Variants in PCM1 observed in about 807,000 individuals in gnomAD.
PCM1 encodes the protein pericentriolar material 1 protein.
A neutral mutation model predicts 241.9 loss-of-function variants in PCM1; 157 were observed. The ratio of observed to expected loss-of-function variants is 0.65; its 90% confidence interval spans 0.57 to 0.74. The LOEUF (loss-of-function observed/expected upper bound fraction) is 0.74. Ranked by LOEUF, PCM1 falls within the 30% of genes least tolerant of loss-of-function variation. PCM1 has a pLI of 0.00. For synonymous variants in PCM1, 1,085 were observed against 784.9 expected (o/e 1.38, Z -6.39); for missense variants, 3,478 against 2,360.1 (o/e 1.47, Z -9.81).
chr8:17,984,122 GC>G (rs1334759072), intron 24 of PCM1, among the ~76,000 whole-genome samples: 4 of 151,948 alleles, frequency 2.6e-5, no homozygotes, highest in Admixed American at 6.6e-5. Context: ...TGTTTAAATG[GC>G]ATATTCATTA....
In PCM1 at chr8:18,003,797, T is replaced by C. The variant is rs190808422; in HGVS notation, c.4828-2466T>C. Reference sequence around the variant, plus strand: ...TACCTTCCATAAAAGAATATACTTATAAATTTTAAGAATATAGATTTTTTA... The same window carrying C: ...TACCTTCCATAAAAGAATATACTTACAAATTTTAAGAATATAGATTTTTTA... On this transcript the variant is annotated intron_variant, in intron 29 of 38. Coordinates refer to ENST00000325083, the MANE Select transcript of PCM1 (RefSeq NM_006197.4). 3.8e-4 allele frequency among the ~76,000 whole-genome samples: 58 copies of C among 152,242 alleles called. 1 individual carries two copies. The East Asian group carries it at 9.6e-3, about 25-fold the overall frequency.
chr8:17,957,917 A>G (rs907981934), intron 13 of PCM1, 142 bp downstream of exon 13: 2 of 621,786 alleles, frequency 3.2e-6, no homozygotes, highest in East Asian at 2.8e-5. Flanking sequence ...TTAGCACTTT[A>G]CATGCTGTAT....
At chr8:17,993,918 T>C (rs1378063001) in intron 29 of PCM1, among the ~76,000 whole-genome samples, 5 of 152,156 alleles carry the variant, frequency 3.3e-5, no homozygotes. Context: ...TGTGAGTGTA[T>C]AGTAGGTGTG....
intron 2 of PCM1, among the ~76,000 whole-genome samples, chr8:17,928,221 G>T (rs1252091494): frequency 2.6e-5 from 4 of 152,060 alleles, no homozygotes; most frequent in Non-Finnish European, 5.9e-5. Flanking sequence ...TATATTGAGG[G>T]ATATGAGCAC....
chr8:17,953,173 TAAC>T lies in PCM1; in HGVS notation c.1278_1280del (p.Asn427del). 2 of 1,556,708 alleles carry T rather than the reference TAAC, an allele frequency of 1.3e-6. No homozygotes were observed. The highest frequency in any genetic ancestry group is 1.4e-5 in the African/African-American group (1 of 73,904). ...TTCATACACTTCGAGATCAGCATCT[TAAC>T]AATTCATCATGTGAGTAAATCTGGT... On this transcript the variant is annotated inframe_deletion, in exon 9 of 39. Transcript: ENST00000325083.
At position 18,029,492 on chromosome 8, in the gene PCM1, C is replaced by T. The variant is rs2094409360; in HGVS notation, c.*1830C>T. 1 of 215,404 alleles carries T rather than the reference C, an allele frequency of 4.6e-6. No individual in the cohort carries two copies. The highest frequency in any genetic ancestry group is 6.9e-5 in the East Asian group (1 of 14,536). The allele number at this position is 215,404 out of a possible 1,614,324, so 13.3% of individuals were successfully genotyped here. A position where few individuals can be genotyped will look rare whatever the true frequency, so the allele number is the denominator to read the frequency against. ...AAGCCCAGCCTTACATACTGTGTTTCTCTCTCTGTCTGCATGCATATTAAA... is the reference window on the plus strand; with the variant it reads ...AAGCCCAGCCTTACATACTGTGTTTTTCTCTCTGTCTGCATGCATATTAAA... On this transcript the variant is annotated 3_prime_UTR_variant, in exon 39 of 39. Transcript: ENST00000325083.
intron 17 of PCM1, among the ~76,000 whole-genome samples, 185 bp downstream of exon 17, chr8:17,963,476 C>T (rs116237203): frequency 1.2e-3 from 176 of 152,280 alleles, no homozygotes; most frequent in African/African-American, 4.1e-3. Flanking sequence ...TCTGACTTCT[C>T]GTAGCATCAG....
intron 9 of PCM1, among the ~76,000 whole-genome samples, chr8:17,954,718 A>C (rs1256706231): frequency 6.6e-6 from 1 of 152,152 alleles, no homozygotes; most frequent in East Asian, 1.9e-4. Context: ...GCACCTTTGA[A>C]ATGGTAGGAG....
At chr8:17,939,358 A>AC (rs2061364234) in intron 5 of PCM1, among the ~76,000 whole-genome samples, 1 of 151,726 alleles carries the variant, frequency 6.6e-6, no homozygotes, top group African/African-American at 2.4e-5. Flanking sequence ...TAAAACTATA[A>AC]TACATTTAAT....
intron 23 of PCM1, among the ~76,000 whole-genome samples, chr8:17,974,544 T>C (rs928727884): frequency 1.3e-5 from 2 of 152,172 alleles, no homozygotes; most frequent in Non-Finnish European, 2.9e-5. Context: ...GACTCTCTTG[T>C]GTTGCCAGTA....
At chr8:18,010,234 C>T (rs1002914601) in intron 31 of PCM1, among the ~76,000 whole-genome samples, 1 of 152,172 alleles carries the variant, frequency 6.6e-6, no homozygotes, top group Non-Finnish European at 1.5e-5. Context: ...GATGACTGTT[C>T]TGCCTCAAGT....
At chr8:17,939,090 C>G in intron 5 of PCM1, 81 bp downstream of exon 5, 1 of 1,399,196 alleles carries the variant, frequency 7.1e-7, no homozygotes, top group Non-Finnish European at 9.8e-7. Flanking sequence ...TTAGGTTACG[C>G]ACACAGGAAT....
chr8:17,982,060 T>G (rs997666178), intron 24 of PCM1, among the ~76,000 whole-genome samples: 1 of 152,212 alleles, frequency 6.6e-6, no homozygotes, highest in African/African-American at 2.4e-5. Flanking sequence ...GCATTTATCA[T>G]TTTGTAATCA....
Position 18,027,805 on chromosome 8 carries a change from G to C in PCM1, c.*143G>C, listed in dbSNP as rs2094339371. On this transcript the variant is annotated 3_prime_UTR_variant, in exon 39 of 39. Transcript: ENST00000325083. ...GATAGGTGTGGTCATTTCTCCCCATGGTAGTTTAAAACATCAGAAACTGAA... is the reference window on the plus strand; with the variant it reads ...GATAGGTGTGGTCATTTCTCCCCATCGTAGTTTAAAACATCAGAAACTGAA... 2 of 481,702 alleles carry C rather than the reference G, an allele frequency of 4.2e-6. No individual in the cohort carries two copies. Among genetic ancestry groups the C allele is most frequent in the East Asian group, 6.8e-5 (2 of 29,466 alleles). 29.8% of individuals were successfully genotyped at this position (481,702 alleles called of 1,614,324 possible). A position where few individuals can be genotyped will look rare whatever the true frequency, so the allele number is the denominator to read the frequency against.
At chr8:17,948,294 CTTTTTTTTT>C (rs550672840) in intron 7 of PCM1, among the ~76,000 whole-genome samples, 12 of 64,008 alleles carry the variant, frequency 1.9e-4, no homozygotes, top group African/African-American at 5.7e-4. Flanking sequence ...CAAATAACCT[CTTTTTTTTT>C]TTTTTTTTTT....
intron 28 of PCM1, 119 bp from the exon 29 acceptor site, chr8:17,993,360 GTTTC>G: frequency 1.7e-6 from 1 of 591,488 alleles, no homozygotes; most frequent in Non-Finnish European, 2.7e-6. Context: ...CTACAAACAT[GTTTC>G]TTTGTATTAT....
Position 18,026,027 on chromosome 8 carries a change from G to A in PCM1, c.6049+369G>A, listed in dbSNP as rs191394478. Among the ~76,000 whole-genome samples the A allele has an allele frequency of 2.1e-4, 32 of 151,466 alleles. No individual in the cohort carries two copies. The Middle Eastern group carries it at 0.01, about 48-fold the overall frequency. On this transcript the variant is annotated intron_variant, in intron 38 of 38. Coordinates refer to ENST00000325083, the MANE Select transcript of PCM1 (RefSeq NM_006197.4). The stretch of plus-strand genomic sequence containing the variant: ...AAAATACAAAAAATCAGCCAAGCGC[G>A]GTGGCGGGCGCCTGTAGTGCCAGCT...
chr8:17,942,103 A>G (rs1394519619), intron 6 of PCM1, among the ~76,000 whole-genome samples: 1 of 151,960 alleles, frequency 6.6e-6, no homozygotes, highest in Non-Finnish European at 1.5e-5. Flanking sequence ...TCCCTTTTTT[A>G]TAAATTGCGA....
chr8:18,013,994 G>C lies in PCM1; in HGVS notation c.5542G>C (p.Glu1848Gln). ...ACAACGTGACTTTAAAAAGACAGCA[G>C]AAAGCAAAAATGTCCCATTGGAACG... is the stretch of plus-strand genomic sequence containing the variant. ...VLQRDFKKTA[E>Q]SKNVPLEREA... is the part of the protein sequence containing the mutation. Residue 1848 changes from glutamate to glutamine, a missense_variant, in exon 35 of 39, where the codon GAA becomes CAA. Coordinates refer to ENST00000325083, the MANE Select transcript of PCM1 (RefSeq NM_006197.4). 6.3e-7 allele frequency: 1 copy of C among 1,599,974 alleles called. No homozygotes were observed. Among genetic ancestry groups the C allele is most frequent in the Non-Finnish European group, 8.5e-7 (1 of 1,174,426 alleles).
Sources: gnomAD v4.1 joint callset for allele counts (sites outside exome capture counted in the v4.1 genomes callset) on GRCh38, gnomAD v4.1.1 for gene constraint, MANE v1.5 for transcripts, NCBI Gene and HGNC (gene_info 2026-07-23, HGNC 2026-07-21) for gene names.